Variants in PITPNA observed in about 807,000 individuals in gnomAD.
PITPNA encodes phosphatidylinositol transfer protein alpha, also known as phosphatidylinositol transfer protein alpha isoform.
PITPNA carries 13 observed loss-of-function variants against 50.3 expected under a neutral mutation model. That is an observed-to-expected ratio of 0.26 (90% CI 0.17 to 0.41). The LOEUF (loss-of-function observed/expected upper bound fraction) is 0.41. PITPNA is among the 10% of genes least tolerant of loss of function. The pLI, the probability that PITPNA is intolerant of heterozygous loss-of-function variation, is 1.00. For missense variants in PITPNA, 207 were observed against 333.4 expected, an observed-to-expected ratio of 0.62 and a Z score of 2.95; for synonymous variants, 120 against 119.6, an observed-to-expected ratio of 1.00 and a Z score of -0.02.
chr17:1,558,506 G>T (rs766056172), intron 2 of PITPNA, 23 bp downstream of exon 2: 2 of 1,544,148 alleles, frequency 1.3e-6, no homozygotes, highest in South Asian at 2.3e-5. Flanking sequence ...CACAACTATG[G>T]ACCAGAAAGT....
At chr17:1,549,814 A>G (rs2151011948) in intron 3 of PITPNA, among the ~76,000 whole-genome samples, 1 of 145,462 alleles carries the variant, frequency 6.9e-6, no homozygotes, top group South Asian at 2.1e-4. Flanking sequence ...AGCTGGGACT[A>G]CAGGCATGCG....
intron 4 of PITPNA, among the ~76,000 whole-genome samples, chr17:1,545,917 C>CTTTTTTTT (rs11322049): frequency 1.0e-4 from 9 of 86,368 alleles, no homozygotes; most frequent in African/African-American, 4.4e-4. Context: ...TGCATACTGC[C>CTTTTTTTT]TTTTTTTTTT....
intron 10 of PITPNA, among the ~76,000 whole-genome samples, chr17:1,523,304 G>A (rs1406412908): frequency 6.6e-6 from 1 of 152,132 alleles, no homozygotes; most frequent in Non-Finnish European, 1.5e-5. Context: ...AACAAATTTT[G>A]AGCACCTAAG....
Position 1,521,586 on chromosome 17 carries a change from A to G in PITPNA, c.*15T>C. 1 of 1,610,500 alleles carries G rather than the reference A, an allele frequency of 6.2e-7. No homozygotes were observed. Among genetic ancestry groups the G allele is most frequent in the South Asian group, 1.1e-5 (1 of 91,010 alleles). On this transcript the variant is annotated 3_prime_UTR_variant, in exon 11 of 12. Coordinates refer to ENST00000313486, the MANE Select transcript of PITPNA (RefSeq NM_006224.4). ...GAGAAATTTGGTACGTACAGTGCAG[A>G]GGGGAAAGGCGGCTTTAGTCATCTG...
chr17:1,530,867 C>T (rs758649235), intron 10 of PITPNA, among the ~76,000 whole-genome samples: 2 of 152,080 alleles, frequency 1.3e-5, no homozygotes, highest in African/African-American at 2.4e-5. Flanking sequence ...GGATGGAGAG[C>T]GGAGAAGGAG....
At chr17:1,536,272 G>A (rs1320787509) in intron 7 of PITPNA, among the ~76,000 whole-genome samples, 3 of 151,206 alleles carry the variant, frequency 2.0e-5, no homozygotes, top group Middle Eastern at 6.8e-3. Flanking sequence ...ATTTCCCAAA[G>A]CTGAGAAGTT....
intron 10 of PITPNA, among the ~76,000 whole-genome samples, chr17:1,527,064 T>G (rs1213980458): frequency 2.0e-5 from 3 of 151,488 alleles, no homozygotes; most frequent in African/African-American, 7.3e-5. Context: ...AGCCCATTAC[T>G]TCAGTCTTAC....
At chr17:1,526,336 G>A (rs7216491) in intron 10 of PITPNA, among the ~76,000 whole-genome samples, 8,038 of 152,284 alleles carry the variant, frequency 0.053, 253 homozygotes, top group Non-Finnish European at 0.075. Flanking sequence ...GGCACCAGAT[G>A]GACAGAAAGG....
chr17:1,547,418 G>A (rs1007040899), intron 4 of PITPNA, among the ~76,000 whole-genome samples: 16 of 152,116 alleles, frequency 1.1e-4, no homozygotes, highest in Admixed American at 3.9e-4. Flanking sequence ...GGGAGGCCGA[G>A]GCAGGTGGAT....
chr17:1,540,100 C>T (rs964212399), intron 6 of PITPNA, among the ~76,000 whole-genome samples: 2 of 152,318 alleles, frequency 1.3e-5, no homozygotes, highest in East Asian at 1.9e-4. Context: ...CGGATGTTTA[C>T]GGTGCCCACA....
intron 7 of PITPNA, among the ~76,000 whole-genome samples, chr17:1,538,020 C>T (rs1005229602): frequency 6.6e-6 from 1 of 151,986 alleles, no homozygotes; most frequent in Non-Finnish European, 1.5e-5. Flanking sequence ...AGGATGGTCT[C>T]GAACTCAGGA....
At chr17:1,555,931 T>C (rs990431631) in intron 2 of PITPNA, among the ~76,000 whole-genome samples, 6 of 152,214 alleles carry the variant, frequency 3.9e-5, no homozygotes, top group Admixed American at 6.5e-5. Flanking sequence ...CCCCAAAATA[T>C]TGATGCAGGC....
At chr17:1,521,989 G>C (rs1322772551) in intron 10 of PITPNA, among the ~76,000 whole-genome samples, 1 of 150,962 alleles carries the variant, frequency 6.6e-6, no homozygotes, top group Non-Finnish European at 1.5e-5. Flanking sequence ...CTCCCAAAGT[G>C]CTGGGATTAC....
chr17:1,535,725 TG>T, intron 7 of PITPNA: 1 of 580,820 alleles, frequency 1.7e-6, no homozygotes, highest in Non-Finnish European at 3.1e-6. Context: ...CGATAGGGTT[TG>T]TTTTCCATTT....
chr17:1,549,420 G>A (rs2075696571), intron 3 of PITPNA, among the ~76,000 whole-genome samples: 1 of 150,940 alleles, frequency 6.6e-6, no homozygotes, highest in Admixed American at 6.6e-5. Flanking sequence ...AGGTTCAAGA[G>A]ATTCTCCTGC....
intron 7 of PITPNA, among the ~76,000 whole-genome samples, chr17:1,536,807 G>A (rs1338795491): frequency 1.3e-5 from 2 of 151,210 alleles, no homozygotes; most frequent in African/African-American, 4.9e-5. Context: ...TGGCCAGGCT[G>A]GTCTCAAGCT....
intron 3 of PITPNA, among the ~76,000 whole-genome samples, chr17:1,549,198 GC>G (rs1251249424): frequency 6.6e-6 from 1 of 150,422 alleles, no homozygotes; most frequent in Admixed American, 6.6e-5. Context: ...GAGCCACCGC[GC>G]CCGGTCTCTT....
intron 10 of PITPNA, among the ~76,000 whole-genome samples, chr17:1,532,094 C>T (rs190967346): frequency 0.043 from 6,445 of 151,592 alleles, 470 homozygotes; most frequent in African/African-American, 0.15. Context: ...TTTTCTTTTT[C>T]TTTTTTTCCT....
At chr17:1,543,437 G>A (rs556665678) in intron 4 of PITPNA, among the ~76,000 whole-genome samples, 1 of 152,244 alleles carries the variant, frequency 6.6e-6, no homozygotes, top group Admixed American at 6.5e-5. Flanking sequence ...GCCATGCACT[G>A]TATCTGCCTC....
Sources: gnomAD v4.1 joint callset for allele counts (sites outside exome capture counted in the v4.1 genomes callset) on GRCh38, gnomAD v4.1.1 for gene constraint, MANE v1.5 for transcripts, NCBI Gene and HGNC (gene_info 2026-07-23, HGNC 2026-07-21) for gene names.